Variants in CNOT6 observed in about 807,000 individuals in gnomAD.
CNOT6 encodes carbon catabolite repression 4 protein.
Under a neutral mutation model 61.2 loss-of-function variants are expected in CNOT6, and 12 were observed. The ratio of observed to expected loss-of-function variants is 0.20; its 90% confidence interval spans 0.13 to 0.32. The LOEUF (loss-of-function observed/expected upper bound fraction) is 0.32. CNOT6 is among the 10% of genes least tolerant of loss of function. The pLI, the probability that CNOT6 is intolerant of heterozygous loss-of-function variation, is 1.00. For synonymous variants in CNOT6, 225 were observed against 240.6 expected (o/e 0.94, Z 0.60); for missense variants, 405 against 663.9 (o/e 0.61, Z 4.28).
intron 2 of CNOT6, among the ~76,000 whole-genome samples, chr5:180,540,395 C>A (rs1446902437): frequency 3.3e-5 from 5 of 152,256 alleles, no homozygotes; most frequent in Non-Finnish European, 5.9e-5. Context: ...AAAAGTCTTA[C>A]AACAATATAC....
intron 1 of CNOT6, among the ~76,000 whole-genome samples, chr5:180,513,467 A>G (rs1757491292): frequency 6.6e-6 from 1 of 151,326 alleles, no homozygotes; most frequent in South Asian, 2.1e-4. Context: ...CCCAGGTTCA[A>G]GCGATTCTCC....
At chr5:180,565,366 G>T (rs1331514162) in intron 6 of CNOT6, among the ~76,000 whole-genome samples, 2 of 152,196 alleles carry the variant, frequency 1.3e-5, no homozygotes, top group African/African-American at 4.8e-5. Flanking sequence ...CATGGTGCGT[G>T]TAACAAAATT....
At chr5:180,525,922 A>T (rs986491446) in intron 1 of CNOT6, among the ~76,000 whole-genome samples, 3 of 144,204 alleles carry the variant, frequency 2.1e-5, no homozygotes, top group East Asian at 1.9e-4. Context: ...TTCTTCTTTT[A>T]AAAAAAAATT....
At position 180,574,840 on chromosome 5, in the gene CNOT6, C is replaced by T. The variant is rs1760937135; in HGVS notation, c.*640C>T. 1 of 152,766 alleles carries T rather than the reference C, an allele frequency of 6.5e-6. No individual in the cohort carries two copies. The highest frequency in any genetic ancestry group is 2.1e-4 in the South Asian group (1 of 4,820). The allele number at this position is 152,766 out of a possible 1,614,324, so 9.5% of individuals were successfully genotyped here. On this transcript the variant is annotated 3_prime_UTR_variant, in exon 12 of 12. Coordinates refer to ENST00000261951, the MANE Select transcript of CNOT6 (RefSeq NM_001370472.1). ...TTTGCACTCTTAGGGTTTTGTTAGCCCTTTTGTACTACTTTCTTTTTAAAT... is the reference window on the plus strand; with the variant it reads ...TTTGCACTCTTAGGGTTTTGTTAGCTCTTTTGTACTACTTTCTTTTTAAAT...
intron 2 of CNOT6, among the ~76,000 whole-genome samples, chr5:180,547,135 A>G (rs991861454): frequency 6.6e-6 from 1 of 152,222 alleles, no homozygotes; most frequent in Non-Finnish European, 1.5e-5. Flanking sequence ...GGGTTGCTCA[A>G]GCTTTGTCAG....
intron 3 of CNOT6, among the ~76,000 whole-genome samples, chr5:180,552,878 G>C (rs1041832209): frequency 6.6e-6 from 1 of 152,162 alleles, no homozygotes; most frequent in Middle Eastern, 3.2e-3. Context: ...GCAATCATAA[G>C]CTTAATTATG....
chr5:180,551,343 C>G (rs1333983963), intron 3 of CNOT6, among the ~76,000 whole-genome samples: 1 of 152,056 alleles, frequency 6.6e-6, no homozygotes, highest in African/African-American at 2.4e-5. Context: ...GGTGACAGAG[C>G]AAGACCCTGT....
At position 180,495,886 on chromosome 5, in the gene CNOT6, T is replaced by G. The variant is rs567124435; in HGVS notation, c.-3+1123T>G. 2.0e-5 allele frequency: 3 copies of G among 152,432 alleles called. No individual in the cohort carries two copies. In the South Asian group the frequency reaches 6.2e-4, roughly 32 times the overall value. 9.4% of individuals were successfully genotyped at this position (152,432 alleles called of 1,614,324 possible). On this transcript the variant is annotated intron_variant, in intron 1 of 11. Coordinates refer to ENST00000261951, the MANE Select transcript of CNOT6 (RefSeq NM_001370472.1). Reference sequence around the variant, plus strand: ...AAAGGCTTTTTTGGGGAATTGCTGTTAAGACATTTATCACAGTCTTTATTT... The same window carrying G: ...AAAGGCTTTTTTGGGGAATTGCTGTGAAGACATTTATCACAGTCTTTATTT...
chr5:180,512,485 G>T (rs1757438621), intron 1 of CNOT6, among the ~76,000 whole-genome samples: 1 of 152,230 alleles, frequency 6.6e-6, no homozygotes, highest in South Asian at 2.1e-4. Context: ...ATTCTTCTCA[G>T]CAGTAGAGAT....
chr5:180,553,934 T>A (rs189188245), intron 4 of CNOT6, among the ~76,000 whole-genome samples: 1 of 152,232 alleles, frequency 6.6e-6, no homozygotes, highest in Non-Finnish European at 1.5e-5. Context: ...GGGCCATAAT[T>A]GATCCAGCAA....
Position 180,574,520 on chromosome 5 carries a change from C to CCTG in CNOT6, c.*320_*321insCTG. ...TAGGAAAATGTGTGAACAGCGTATT[C>CCTG]TCTTCACACAGAAATCTGTAGCACT... On this transcript the variant is annotated 3_prime_UTR_variant, in exon 12 of 12. Coordinates refer to ENST00000261951, the MANE Select transcript of CNOT6 (RefSeq NM_001370472.1). 8.4e-6 allele frequency: 3 copies of CCTG among 358,500 alleles called. No individual in the cohort carries two copies. Among genetic ancestry groups the CCTG allele is most frequent in the East Asian group, 6.4e-5 (1 of 15,604 alleles). 22.2% of individuals were successfully genotyped at this position (358,500 alleles called of 1,614,324 possible).
At position 180,532,220 on chromosome 5, in the gene CNOT6, G is replaced by A. The variant is rs113917064; in HGVS notation, c.112+2832G>A. Reference sequence around the variant, plus strand: ...TTCCCTTTTAATTTTTTCAGGATTGGCATTTGACTATATTTACCTCTCCTT... The same window carrying A: ...TTCCCTTTTAATTTTTTCAGGATTGACATTTGACTATATTTACCTCTCCTT... On this transcript the variant is annotated intron_variant, in intron 2 of 11. Coordinates refer to ENST00000261951, the MANE Select transcript of CNOT6 (RefSeq NM_001370472.1). Among the ~76,000 whole-genome samples, 937 of 152,228 alleles carry A rather than the reference G, an allele frequency of 6.2e-3. 10 individuals carry two copies. Among genetic ancestry groups the A allele is most frequent in the African/African-American group, 0.022 (902 of 41,550 alleles).
At chr5:180,538,538 A>G (rs1366167808) in intron 2 of CNOT6, among the ~76,000 whole-genome samples, 2 of 151,050 alleles carry the variant, frequency 1.3e-5, no homozygotes, top group South Asian at 4.2e-4. Flanking sequence ...TACAAAAAAA[A>G]TTTGCCGGGC....
chr5:180,519,774 T>G, intron 1 of CNOT6, among the ~76,000 whole-genome samples: 1 of 152,028 alleles, frequency 6.6e-6, no homozygotes, highest in Admixed American at 6.6e-5. Context: ...TTCTTTTTTT[T>G]TTTTATTGTT....
intron 9 of CNOT6, 80 bp downstream of exon 9, chr5:180,568,083 G>A (rs1020907585): frequency 1.5e-5 from 21 of 1,413,286 alleles, no homozygotes; most frequent in Non-Finnish European, 6.7e-6. Context: ...AAATTTCATT[G>A]TGTATTCATG....
intron 2 of CNOT6, among the ~76,000 whole-genome samples, chr5:180,530,304 G>A (rs955380413): frequency 2.0e-5 from 3 of 152,170 alleles, no homozygotes; most frequent in African/African-American, 4.8e-5. Context: ...ATAAAGTCCC[G>A]CTTTTTATGG....
intron 1 of CNOT6, among the ~76,000 whole-genome samples, chr5:180,518,332 T>C (rs1297988125): frequency 1.3e-5 from 2 of 152,182 alleles, no homozygotes; most frequent in African/African-American, 4.8e-5. Flanking sequence ...ATCTTTTGAT[T>C]GGCCATTTTA....
intron 1 of CNOT6, among the ~76,000 whole-genome samples, chr5:180,526,236 A>G (rs1483718613): frequency 6.6e-6 from 1 of 152,234 alleles, no homozygotes; most frequent in Non-Finnish European, 1.5e-5. Flanking sequence ...TGAGAGAAGC[A>G]AAGTAGCTGG....
intron 4 of CNOT6, among the ~76,000 whole-genome samples, chr5:180,555,898 T>G (rs969064600): frequency 6.6e-6 from 1 of 152,124 alleles, no homozygotes; most frequent in Non-Finnish European, 1.5e-5. Flanking sequence ...CTTCACTTTT[T>G]CCCCCCACAT....
Sources: gnomAD v4.1 joint callset for allele counts (sites outside exome capture counted in the v4.1 genomes callset) on GRCh38, gnomAD v4.1.1 for gene constraint, MANE v1.5 for transcripts, NCBI Gene and HGNC (gene_info 2026-07-23, HGNC 2026-07-21) for gene names.